Variants in AGAP6 observed in about 807,000 individuals in gnomAD.
AGAP6 encodes the protein ArfGAP with GTPase domain, ankyrin repeat and PH domain 6.
AGAP6 carries 29 observed loss-of-function variants against 63.9 expected under a neutral mutation model. The ratio of observed to expected loss-of-function variants is 0.45; its 90% confidence interval spans 0.34 to 0.62. The LOEUF is 0.62. AGAP6 is among the 20% of genes least tolerant of loss of function. The pLI is 0.01. For synonymous variants in AGAP6, 199 were observed against 332.9 expected, an observed-to-expected ratio of 0.60 and a Z score of 4.38; for missense variants, 493 against 884.9, an observed-to-expected ratio of 0.56 and a Z score of 5.62.
intron 5 of AGAP6, among the ~76,000 whole-genome samples, chr10:50,004,028 C>G (rs573549608): frequency 5.3e-5 from 8 of 152,306 alleles, no homozygotes; most frequent in African/African-American, 1.9e-4. Context: ...GAGACTCACT[C>G]TACAAAATTA....
chr10:49,991,849 C>T (rs1376144853), intron 3 of AGAP6, 105 bp downstream of exon 3: 47 of 1,527,060 alleles, frequency 3.1e-5, no homozygotes, highest in Non-Finnish European at 4.1e-5. Context: ...AATTTTTCAC[C>T]TTTTCACATG....
At position 49,991,035 on chromosome 10, in the gene AGAP6, G is replaced by A. The variant is rs1231895556; in HGVS notation, c.293-641G>A. On this transcript the variant is annotated intron_variant, in intron 2 of 7. Coordinates refer to ENST00000412531, the MANE Select transcript of AGAP6 (RefSeq NM_001077665.3). ...GAGAGCCCAAAAATGGCTCTTTATT[G>A]TCATTCTTTAGGATTACAACACAGT... is the stretch of plus-strand genomic sequence containing the variant. Among the ~76,000 whole-genome samples the A allele has an allele frequency of 9.2e-5, 14 of 152,112 alleles. No individual in the cohort carries two copies. The South Asian group carries it at 2.1e-3, about 23-fold the overall frequency.
Position 50,008,152 on chromosome 10 carries a change from T to G in AGAP6, c.585+76T>G. ...TTTCATGCTGAAGTCAAAGCCATCT[T>G]TTTTTAAATCTTCCCCATTTCATGT... On this transcript the variant is annotated intron_variant, in intron 7 of 7. Coordinates refer to ENST00000412531, the MANE Select transcript of AGAP6 (RefSeq NM_001077665.3). 3 of 1,611,126 alleles carry G rather than the reference T, an allele frequency of 1.9e-6. No individual in the cohort carries two copies. The South Asian group carries it at 3.3e-5, about 18-fold the overall frequency.
At chr10:50,007,855 A>C (rs1212208999) in intron 6 of AGAP6, among the ~76,000 whole-genome samples, 170 bp from the exon 7 acceptor site, 3 of 152,240 alleles carry the variant, frequency 2.0e-5, no homozygotes, top group Non-Finnish European at 4.4e-5. Flanking sequence ...TGATGTGCTG[A>C]GAAAGAAGAA....
chr10:49,993,989 G>A (rs1246155998), intron 3 of AGAP6, among the ~76,000 whole-genome samples: 2 of 152,158 alleles, frequency 1.3e-5, no homozygotes, highest in African/African-American at 4.8e-5. Context: ...TCAGGAAGTA[G>A]TTCTTAGAGC....
intron 7 of AGAP6, 97 bp downstream of exon 7, chr10:50,008,173 C>A (rs1841979692): frequency 6.2e-7 from 1 of 1,601,894 alleles, no homozygotes; most frequent in African/African-American, 1.3e-5. Flanking sequence ...TTCCCCATTT[C>A]ATGTTGCATT....
rs1206603337 is a variant in AGAP6 at position 49,988,940 on chromosome 10, T to C, written c.223+2T>C. 1.2e-6 allele frequency: 2 copies of C among 1,601,260 alleles called. No homozygotes were observed. The highest frequency in any genetic ancestry group is 1.7e-6 in the Non-Finnish European group (2 of 1,179,344). ...TTCGTGACCGGGAGATGCCTGAAGG[T>C]GAGGAGGTGATAGGTGCCATCTACC... On this transcript the variant is annotated splice_donor_variant, in intron 1 of 7. Coordinates refer to ENST00000412531, the MANE Select transcript of AGAP6 (RefSeq NM_001077665.3). LOFTEE classifies it high-confidence loss of function.
intron 7 of AGAP6, 28 bp downstream of exon 7, chr10:50,008,104 T>C: frequency 1.2e-6 from 2 of 1,611,910 alleles, no homozygotes; most frequent in Non-Finnish European, 1.7e-6. Flanking sequence ...TGAGGTTGTA[T>C]TTTCATCATA....
At chr10:50,006,498 C>T (rs1284556464) in intron 6 of AGAP6, among the ~76,000 whole-genome samples, 4 of 152,226 alleles carry the variant, frequency 2.6e-5, no homozygotes, top group African/African-American at 9.6e-5. Context: ...CCTCAGGCTC[C>T]TTTGTAGCTG....
At position 49,990,304 on chromosome 10, in the gene AGAP6, G is replaced by T. The variant is rs1487690288; in HGVS notation, c.292+928G>T. On this transcript the variant is annotated intron_variant, in intron 2 of 7. Transcript: ENST00000412531. Reference sequence around the variant, plus strand: ...AAAAAAAAATACAAAAATTAGCTGGGCGTAGTGGCGCATGACTGTAGTTCC... The same window carrying T: ...AAAAAAAAATACAAAAATTAGCTGGTCGTAGTGGCGCATGACTGTAGTTCC... 7.9e-5 allele frequency among the ~76,000 whole-genome samples: 12 copies of T among 152,278 alleles called. No homozygotes were observed. The East Asian group carries it at 2.1e-3, about 27-fold the overall frequency.
intron 3 of AGAP6, among the ~76,000 whole-genome samples, chr10:49,993,090 T>G (rs1195294604): frequency 6.6e-6 from 1 of 152,126 alleles, no homozygotes; most frequent in Admixed American, 6.5e-5. Context: ...ATTACCATAA[T>G]GAGAATGTGC....
chr10:50,004,891 G>A (rs1380459799), intron 6 of AGAP6, among the ~76,000 whole-genome samples, 171 bp downstream of exon 6: 1 of 152,202 alleles, frequency 6.6e-6, no homozygotes, highest in African/African-American at 2.4e-5. Context: ...ATTCTTAAAT[G>A]ACTGAGAATC....
intron 4 of AGAP6, among the ~76,000 whole-genome samples, chr10:50,001,441 A>G (rs1267295939): frequency 1.6e-4 from 18 of 111,920 alleles, no homozygotes; most frequent in African/African-American, 3.7e-4. Flanking sequence ...TTTTTTTGAG[A>G]CGGAGTCTCA....
At chr10:50,006,952 T>C (rs1156854821) in intron 6 of AGAP6, among the ~76,000 whole-genome samples, 1 of 151,920 alleles carries the variant, frequency 6.6e-6, no homozygotes, top group African/African-American at 2.4e-5. Context: ...CTGCCTTGAT[T>C]TATGCTGAGA....
Position 50,009,795 on chromosome 10 carries a change from A to G in AGAP6, c.1670A>G (p.Lys557Arg), listed in dbSNP as rs782446019. The G allele has an allele frequency of 1.9e-6, 3 of 1,613,784 alleles. No homozygotes were observed. The highest frequency in any genetic ancestry group is 2.2e-5 in the South Asian group (2 of 91,070). Reference sequence around the variant, plus strand: ...CAGGGGCAGACAAAACCCTCAGAAAAGTCCACGAGGGAAGAGAAGGAACGG... The same window carrying G: ...CAGGGGCAGACAAAACCCTCAGAAAGGTCCACGAGGGAAGAGAAGGAACGG... ...SSQGQTKPSE[K>R]STREEKERWI... The change falls in exon 8 of 8, where the codon AAG (lysine) becomes AGG (arginine). Residue 557 changes from lysine to arginine, a missense_variant. Transcript: ENST00000412531.
chr10:50,009,121 C>T lies in AGAP6; in HGVS notation c.996C>T (p.Asp332=). Residue 332 remains aspartate, a synonymous_variant, in exon 8 of 8, where the codon GAC becomes GAT. Coordinates refer to ENST00000412531, the MANE Select transcript of AGAP6 (RefSeq NM_001077665.3). ...YMKNIHKKEI[D]LQTSTIKVPG... ...AGAATATTCATAAAAAAGAGATTGACCTTCAGACATCTACCATCAAAGTCC... is the reference window on the plus strand; with the variant it reads ...AGAATATTCATAAAAAAGAGATTGATCTTCAGACATCTACCATCAAAGTCC... The T allele has an allele frequency of 6.2e-7, 1 of 1,613,922 alleles. No individual in the cohort carries two copies.
At position 49,988,425 on chromosome 10, in the gene AGAP6, T is replaced by A. The variant is rs1332221303; in HGVS notation, c.-291T>A. 11 of 1,351,236 alleles carry A rather than the reference T, an allele frequency of 8.1e-6. No homozygotes were observed. In the East Asian group the frequency reaches 3.1e-4, roughly 38 times the overall value. 83.7% of individuals were successfully genotyped at this position (1,351,236 alleles called of 1,614,324 possible). A position where few individuals can be genotyped will look rare whatever the true frequency, so the allele number is the denominator to read the frequency against. On this transcript the variant is annotated 5_prime_UTR_variant, in exon 1 of 8. Coordinates refer to ENST00000412531, the MANE Select transcript of AGAP6 (RefSeq NM_001077665.3). ...TCCGTCTGTTCTCTCTTCAGGCAGT[T>A]GTTGTGTCTCTCAGCGCTTGTTGGT...
At position 50,010,039 on chromosome 10, in the gene AGAP6, C is replaced by T. The variant is rs61848275; in HGVS notation, c.1914C>T (p.Val638=). 387,856 of 1,609,814 alleles carry T rather than the reference C, an allele frequency of 0.24. 49,943 individuals carry two copies. Among genetic ancestry groups the T allele is most frequent in the Non-Finnish European group, 0.27 (317,508 of 1,179,340 alleles). Residue 638 remains valine, a synonymous_variant, in exon 8 of 8, where the codon GTC becomes GTT. Coordinates refer to ENST00000412531, the MANE Select transcript of AGAP6 (RefSeq NM_001077665.3). ...LHLACRKGNV[V]LAQLLIWYGV... ...TGGCCTGCCGCAAGGGGAATGTGGT[C>T]CTGGCGCAGCTCCTGATCTGGTACG...
intron 2 of AGAP6, among the ~76,000 whole-genome samples, chr10:49,990,431 C>T (rs1322175419): frequency 6.6e-5 from 10 of 152,244 alleles, no homozygotes; most frequent in Admixed American, 1.3e-4. Flanking sequence ...GGTGACAGAG[C>T]GAGACTCCGT....
Sources: gnomAD v4.1 joint callset for allele counts (sites outside exome capture counted in the v4.1 genomes callset) on GRCh38, gnomAD v4.1.1 for gene constraint, MANE v1.5 for transcripts, NCBI Gene and HGNC (gene_info 2026-07-23, HGNC 2026-07-21) for gene names.